The following EIPR1 variants were observed in gnomAD, a reference collection of about 807,000 sequenced individuals.
EIPR1 encodes EARP and GARP complex-interacting protein 1.
In EIPR1, 25 loss-of-function variants were observed where a neutral mutation model predicts 48.1. The observed-to-expected ratio is 0.52, with a 90% CI of 0.38 to 0.73. The LOEUF (loss-of-function observed/expected upper bound fraction) is 0.73. EIPR1 is among the 30% of genes least tolerant of loss of function. The probability of loss-of-function intolerance (pLI) is 0.00; values close to 1 mark genes in which losing one functional copy is unlikely to be tolerated. For synonymous variants in EIPR1, 204 were observed against 201.9 expected, an observed-to-expected ratio of 1.01 and a Z score of -0.09; for missense variants, 415 against 506.2, an observed-to-expected ratio of 0.82 and a Z score of 1.73.
chr2:3,255,526 T>G (rs1667128046), intron 4 of EIPR1, among the ~76,000 whole-genome samples: 1 of 152,232 alleles, frequency 6.6e-6, no homozygotes, highest in Non-Finnish European at 1.5e-5. Flanking sequence ...TGATGCAATT[T>G]AACATTACAA....
At chr2:3,338,174 T>A in intron 2 of EIPR1, 25 bp from the exon 3 acceptor site, 1 of 1,606,056 alleles carries the variant, frequency 6.2e-7, no homozygotes, top group South Asian at 1.1e-5. Flanking sequence ...AAAGAGCACA[T>A]CAGGATCTCA....
intron 2 of EIPR1, among the ~76,000 whole-genome samples, chr2:3,344,121 G>C (rs1478788795): frequency 3.3e-5 from 5 of 152,224 alleles, no homozygotes; most frequent in Non-Finnish European, 7.3e-5. Context: ...CCTAGGGAAA[G>C]TGAATGATCC....
intron 4 of EIPR1, among the ~76,000 whole-genome samples, chr2:3,221,648 T>A (rs1445100157): frequency 2.6e-4 from 4 of 15,528 alleles, no homozygotes; most frequent in Admixed American, 1.2e-3. Flanking sequence ...TCACAGTGAG[T>A]CGGGAACACA....
chr2:3,297,538 T>C (rs1484525392), intron 3 of EIPR1, among the ~76,000 whole-genome samples: 2 of 152,258 alleles, frequency 1.3e-5, no homozygotes, highest in African/African-American at 2.4e-5. Context: ...TTCAGCCTCA[T>C]GCCCAGGGGA....
At chr2:3,220,761 G>A (rs1665858572) in intron 4 of EIPR1, among the ~76,000 whole-genome samples, 1 of 150,278 alleles carries the variant, frequency 6.7e-6, no homozygotes, top group South Asian at 2.1e-4. Context: ...CAATGGCCGA[G>A]GTACACTCTA....
At chr2:3,362,038 C>A (rs1323790998) in intron 1 of EIPR1, among the ~76,000 whole-genome samples, 1 of 152,246 alleles carries the variant, frequency 6.6e-6, no homozygotes, top group Non-Finnish European at 1.5e-5. Flanking sequence ...TTTCCAAATG[C>A]GAATCTGGTG....
chr2:3,303,468 C>T lies in EIPR1; in HGVS notation c.259+34549G>A, dbSNP rs563668799. Among the ~76,000 whole-genome samples, 48 of 152,352 alleles carry T rather than the reference C, an allele frequency of 3.2e-4. No individual in the cohort carries two copies. The South Asian group carries it at 9.7e-3, about 31-fold the overall frequency. ...GAAGTCACCGGCACTGCTGCCACCTCGACCGCCACTCACAGCAGCAGTGGC... is the reference window on the plus strand; with the variant it reads ...GAAGTCACCGGCACTGCTGCCACCTTGACCGCCACTCACAGCAGCAGTGGC... On this transcript the variant is annotated intron_variant, in intron 3 of 8. Transcript: ENST00000382125.
At chr2:3,318,004 A>G (rs564268867) in intron 3 of EIPR1, among the ~76,000 whole-genome samples, 1 of 152,310 alleles carries the variant, frequency 6.6e-6, no homozygotes, top group South Asian at 2.1e-4. Flanking sequence ...GCACCTGCCT[A>G]ACGGGATGCA....
intron 3 of EIPR1, among the ~76,000 whole-genome samples, chr2:3,259,671 T>A (rs967114178): frequency 6.6e-6 from 1 of 152,258 alleles, no homozygotes; most frequent in Admixed American, 6.5e-5. Flanking sequence ...ACCCTTCTAA[T>A]GTTGTAACAA....
intron 2 of EIPR1, among the ~76,000 whole-genome samples, chr2:3,346,705 C>T (rs1465076687): frequency 2.0e-5 from 3 of 152,114 alleles, no homozygotes; most frequent in Non-Finnish European, 4.4e-5. Context: ...CAATTAGTTC[C>T]AGCTCAGGAA....
In EIPR1 at chr2:3,196,862, G is replaced by C. The variant is rs199821485; in HGVS notation, c.653+19C>G. On this transcript the variant is annotated intron_variant, in intron 6 of 8. Coordinates refer to ENST00000382125, the MANE Select transcript of EIPR1 (RefSeq NM_003310.5). ...AGGGAGGAAAGGAAGTGGGGCCTGCGCCGGGTGGGCTCACTGACCTCATGC... is the reference window on the plus strand; with the variant it reads ...AGGGAGGAAAGGAAGTGGGGCCTGCCCCGGGTGGGCTCACTGACCTCATGC... The C allele has an allele frequency of 1.4e-4, 225 of 1,611,782 alleles. 1 individual carries two copies. Among genetic ancestry groups the C allele is most frequent in the Non-Finnish European group, 1.8e-4 (216 of 1,179,246 alleles).
At chr2:3,319,225 G>A (rs1009732107) in intron 3 of EIPR1, 12 of 331,770 alleles carry the variant, frequency 3.6e-5, no homozygotes, top group African/African-American at 8.6e-5. Context: ...CTGTGCCTCA[G>A]AAGCAGCATC....
intron 4 of EIPR1, among the ~76,000 whole-genome samples, chr2:3,241,242 C>T (rs971087403): frequency 1.3e-5 from 2 of 152,222 alleles, no homozygotes; most frequent in African/African-American, 4.8e-5. Flanking sequence ...AAGGCACCTC[C>T]GCAGAGCTGA....
At chr2:3,198,039 A>G (rs1303925862) in intron 5 of EIPR1, among the ~76,000 whole-genome samples, 3 of 152,226 alleles carry the variant, frequency 2.0e-5, no homozygotes, top group Non-Finnish European at 2.9e-5. Context: ...TTGGGTACCC[A>G]GGCTCGGGGT....
chr2:3,200,474 T>C (rs1664991677), intron 5 of EIPR1, among the ~76,000 whole-genome samples: 1 of 152,282 alleles, frequency 6.6e-6, no homozygotes, highest in South Asian at 2.1e-4. Flanking sequence ...GAAGGGCTAT[T>C]TCTGCTCCGT....
At chr2:3,245,538 T>C (rs1666770709) in intron 4 of EIPR1, among the ~76,000 whole-genome samples, 1 of 152,214 alleles carries the variant, frequency 6.6e-6, no homozygotes, top group Non-Finnish European at 1.5e-5. Flanking sequence ...AATGGAGACT[T>C]TAAACAAACT....
At chr2:3,215,912 G>A (rs1209887762) in intron 4 of EIPR1, among the ~76,000 whole-genome samples, 1 of 152,176 alleles carries the variant, frequency 6.6e-6, no homozygotes, top group Non-Finnish European at 1.5e-5. Context: ...ATTAGACCAA[G>A]AGTTTATTGT....
chr2:3,302,126 C>T lies in EIPR1; in HGVS notation c.259+35891G>A, dbSNP rs114478719. 5.9e-3 allele frequency among the ~76,000 whole-genome samples: 891 copies of T among 152,274 alleles called. 6 individuals are homozygous for T. The highest frequency in any genetic ancestry group is 0.02 in the African/African-American group (834 of 41,552). On this transcript the variant is annotated intron_variant, in intron 3 of 8. Coordinates refer to ENST00000382125, the MANE Select transcript of EIPR1 (RefSeq NM_003310.5). Reference sequence around the variant, plus strand: ...ACCTGTGTATAGAATACTCCCTCAGCGACTTGGGGTTCCAGATCCAGCCAC... The same window carrying T: ...ACCTGTGTATAGAATACTCCCTCAGTGACTTGGGGTTCCAGATCCAGCCAC...
intron 3 of EIPR1, among the ~76,000 whole-genome samples, chr2:3,327,125 G>A (rs1669721719): frequency 6.6e-6 from 1 of 152,218 alleles, no homozygotes; most frequent in Non-Finnish European, 1.5e-5. Flanking sequence ...GGGACCCCGG[G>A]GAGCTAGGGT....
Sources: gnomAD v4.1 joint callset for allele counts (sites outside exome capture counted in the v4.1 genomes callset) on GRCh38, gnomAD v4.1.1 for gene constraint, MANE v1.5 for transcripts, NCBI Gene and HGNC (gene_info 2026-07-23, HGNC 2026-07-21) for gene names.